Variants in ADAMTS20 observed in about 807,000 individuals in gnomAD.
ADAMTS20 encodes the protein ADAM metallopeptidase with thrombospondin type 1 motif 20, also known as A disintegrin and metalloproteinase with thrombospondin motifs 20.
In ADAMTS20, 225 loss-of-function variants were observed where a neutral mutation model predicts 260.1. The ratio of observed to expected loss-of-function variants is 0.87; its 90% CI spans 0.78 to 0.97. ADAMTS20 has a LOEUF of 0.97. Ranked by LOEUF, ADAMTS20 falls within the 50% of genes least tolerant of loss-of-function variation. The pLI is 0.00. For synonymous variants in ADAMTS20, 802 were observed against 769.5 expected (o/e 1.04, Z -0.70); for missense variants, 2,400 against 2,337.7 (o/e 1.03, Z -0.55).
At chr12:43,462,451 T>G (rs1185451548) in intron 11 of ADAMTS20, among the ~76,000 whole-genome samples, 1 of 152,208 alleles carries the variant, frequency 6.6e-6, no homozygotes, top group Non-Finnish European at 1.5e-5. Flanking sequence ...AGCGGTATAA[T>G]GTATCTTGAT....
At chr12:43,523,730 T>C (rs1031101353) in intron 3 of ADAMTS20, among the ~76,000 whole-genome samples, 3 of 152,052 alleles carry the variant, frequency 2.0e-5, no homozygotes, top group Admixed American at 6.5e-5. Flanking sequence ...CTCTAGAACA[T>C]GAGACCATCT....
At chr12:43,371,194 TC>T (rs1940100138) in intron 36 of ADAMTS20, among the ~76,000 whole-genome samples, 1 of 152,206 alleles carries the variant, frequency 6.6e-6, no homozygotes, top group East Asian at 1.9e-4. Context: ...AAAATGCTTC[TC>T]CCTTCCATGC....
intron 4 of ADAMTS20, among the ~76,000 whole-genome samples, chr12:43,501,055 C>CTTTTT (rs79075751): frequency 0.054 from 5,610 of 104,512 alleles, 466 homozygotes; most frequent in East Asian, 0.1. Context: ...CTATGTAATT[C>CTTTTT]TTTTTTTTTT....
At chr12:43,506,625 G>A (rs962040946) in intron 3 of ADAMTS20, among the ~76,000 whole-genome samples, 14 of 151,968 alleles carry the variant, frequency 9.2e-5, no homozygotes, top group South Asian at 2.1e-4. Flanking sequence ...GATAACAGGC[G>A]TGCGCCACCA....
At chr12:43,525,024 C>G (rs1488774452) in intron 3 of ADAMTS20, among the ~76,000 whole-genome samples, 1 of 152,120 alleles carries the variant, frequency 6.6e-6, no homozygotes, top group Non-Finnish European at 1.5e-5. Context: ...ACAAGAAGCT[C>G]AAAGCACTCC....
rs530933565 is a variant in ADAMTS20 at position 43,447,317 on chromosome 12, G to A, written c.2080-605C>T. Among the ~76,000 whole-genome samples, 13 of 152,212 alleles carry A rather than the reference G, an allele frequency of 8.5e-5. 1 individual carries two copies. The East Asian group carries it at 1.5e-3, about 18-fold the overall frequency. On this transcript the variant is annotated intron_variant, in intron 14 of 38. Transcript: ENST00000389420. ...CCGCAATCAAGTAGACTTCATCCCC[G>A]GGGTGCAAATTTGGTTCAACATATG...
At chr12:43,470,259 T>A (rs191945621) in intron 7 of ADAMTS20, among the ~76,000 whole-genome samples, 1 of 152,304 alleles carries the variant, frequency 6.6e-6, no homozygotes, top group East Asian at 1.9e-4. Context: ...TATTTTCAAT[T>A]TGCCAAATTA....
chr12:43,504,927 A>T (rs1173314115), intron 3 of ADAMTS20, among the ~76,000 whole-genome samples: 1 of 152,206 alleles, frequency 6.6e-6, no homozygotes, highest in African/African-American at 2.4e-5. Flanking sequence ...TTTAAATTAG[A>T]CATGCATCTA....
rs1941462144 is a variant in ADAMTS20, at chr12:43,432,373, C to T, written c.3027G>A (p.Leu1009=). Residue 1009 remains leucine, a synonymous_variant, in exon 21 of 39, where the codon CTG becomes CTA. Coordinates refer to ENST00000389420, the MANE Select transcript of ADAMTS20 (RefSeq NM_025003.5). ...HRLADNECQE[L]SRVTRENCNE... is the part of the protein sequence containing the mutation. ...TGCAATTCTCTCTCGTCACTCGGGA[C>T]AGTTCTTGGCATTCATTGTCAGCAA... 3.1e-6 allele frequency: 5 copies of T among 1,613,588 alleles called. No individual in the cohort carries two copies. Among genetic ancestry groups the T allele is most frequent in the African/African-American group, 2.7e-5 (2 of 74,822 alleles).
intron 28 of ADAMTS20, among the ~76,000 whole-genome samples, chr12:43,403,824 G>A (rs1212155596): frequency 6.6e-6 from 1 of 152,242 alleles, no homozygotes; most frequent in East Asian, 1.9e-4. Context: ...GAGACAGATA[G>A]AGAAGAGATG....
chr12:43,497,010 G>A (rs1405891132), intron 4 of ADAMTS20, among the ~76,000 whole-genome samples: 3 of 152,012 alleles, frequency 2.0e-5, no homozygotes, highest in East Asian at 1.9e-4. Context: ...GATTTCTAAC[G>A]TATCATCCTA....
chr12:43,466,052 A>T (rs1942146963), intron 9 of ADAMTS20, among the ~76,000 whole-genome samples: 1 of 152,134 alleles, frequency 6.6e-6, no homozygotes, highest in Non-Finnish European at 1.5e-5. Flanking sequence ...AAGAAACACC[A>T]TTTGGATAAA....
rs200694715 is a variant in ADAMTS20 at position 43,439,606 on chromosome 12, T to A, written c.2593+16A>T. The A allele has an allele frequency of 3.8e-6, 6 of 1,592,808 alleles. No individual in the cohort carries two copies. Among genetic ancestry groups the A allele is most frequent in the Non-Finnish European group, 5.1e-6 (6 of 1,173,152 alleles). On this transcript the variant is annotated intron_variant, in intron 18 of 38. Transcript: ENST00000389420. Reference sequence around the variant, plus strand: ...TGCACAGTCAGTCTTTTCTCCCTTATTGAATGCCAGCGTACCTTGACACAT... The same window carrying A: ...TGCACAGTCAGTCTTTTCTCCCTTAATGAATGCCAGCGTACCTTGACACAT...
intron 4 of ADAMTS20, among the ~76,000 whole-genome samples, chr12:43,501,473 GCGCGCGCGCA>G (rs1322020004): frequency 9.0e-5 from 5 of 55,480 alleles, no homozygotes; most frequent in Non-Finnish European, 7.2e-5. Context: ...GCGCGCGCGC[GCGCGCGCGCA>G]CACACACACA....
chr12:43,373,906 C>A lies in ADAMTS20; in HGVS notation c.5446+1473G>T, dbSNP rs555805501. Among the ~76,000 whole-genome samples, 95 of 151,768 alleles carry A rather than the reference C, an allele frequency of 6.3e-4. 1 individual carries two copies. Among genetic ancestry groups the A allele is most frequent in the African/African-American group, 2.2e-3 (93 of 41,404 alleles). ...GTTTTAGCCGGGATGGTCTCGATCTCCTGACCTCGTGATCCGCCCGCCTCG... is the reference window on the plus strand; with the variant it reads ...GTTTTAGCCGGGATGGTCTCGATCTACTGACCTCGTGATCCGCCCGCCTCG... On this transcript the variant is annotated intron_variant, in intron 36 of 38. Coordinates refer to ENST00000389420, the MANE Select transcript of ADAMTS20 (RefSeq NM_025003.5).
At chr12:43,478,299 T>G (rs902472552) in intron 7 of ADAMTS20, among the ~76,000 whole-genome samples, 3 of 151,738 alleles carry the variant, frequency 2.0e-5, no homozygotes, top group African/African-American at 7.3e-5. Flanking sequence ...TAGACATAGC[T>G]AAAGAGAGAG....
chr12:43,541,151 C>T (rs1434065560), intron 2 of ADAMTS20, among the ~76,000 whole-genome samples: 1 of 152,102 alleles, frequency 6.6e-6, no homozygotes, highest in Non-Finnish European at 1.5e-5. Flanking sequence ...AACTGGAGAA[C>T]ATTCGGAAAT....
chr12:43,507,897 A>G (rs1288125132), intron 3 of ADAMTS20, among the ~76,000 whole-genome samples: 1 of 152,226 alleles, frequency 6.6e-6, no homozygotes, highest in Non-Finnish European at 1.5e-5. Context: ...TGGAAAACCA[A>G]ATACTGCATG....
At chr12:43,402,074 C>G (rs1940821072) in intron 28 of ADAMTS20, among the ~76,000 whole-genome samples, 1 of 151,918 alleles carries the variant, frequency 6.6e-6, no homozygotes, top group Non-Finnish European at 1.5e-5. Context: ...TCTTCTGAGT[C>G]CTACCCTGTT....
Sources: gnomAD v4.1 joint callset for allele counts (sites outside exome capture counted in the v4.1 genomes callset) on GRCh38, gnomAD v4.1.1 for gene constraint, MANE v1.5 for transcripts, NCBI Gene and HGNC (gene_info 2026-07-23, HGNC 2026-07-21) for gene names.